CADM2: variants seen among roughly 807,000 people sequenced by gnomAD.
CADM2 encodes the protein immunoglobulin superfamily member 4D.
CADM2 carries 12 observed loss-of-function variants against 49.8 expected under a neutral mutation model. That is an observed-to-expected ratio of 0.24 (90% CI 0.15 to 0.39). The LOEUF is 0.39. CADM2 is among the 10% of genes least tolerant of loss of function. The pLI is 1.00. For synonymous variants in CADM2, 214 were observed against 175.4 expected (o/e 1.22, Z -1.74); for missense variants, 378 against 492.3 (o/e 0.77, Z 2.20).
chr3:85,606,252 AT>A, intron 1 of CADM2, among the ~76,000 whole-genome samples: 1 of 152,138 alleles, frequency 6.6e-6, no homozygotes, highest in African/African-American at 2.4e-5. Flanking sequence ...TTGAACTCTC[AT>A]TTTTTTGATT....
chr3:85,602,952 G>C (rs1553748718), intron 1 of CADM2, among the ~76,000 whole-genome samples: 1 of 151,576 alleles, frequency 6.6e-6, no homozygotes, highest in Admixed American at 6.6e-5. Flanking sequence ...TTGCTTTTTT[G>C]GTGGTTTTTC....
chr3:85,907,365 T>A (rs1372848787), intron 5 of CADM2, among the ~76,000 whole-genome samples: 4 of 152,188 alleles, frequency 2.6e-5, no homozygotes, highest in African/African-American at 4.8e-5. Flanking sequence ...TGGGACACAC[T>A]AAGACCATGC....
chr3:85,745,200 A>G lies in CADM2; in HGVS notation c.88+18652A>G, dbSNP rs144665192. On this transcript the variant is annotated intron_variant, in intron 2 of 9. Coordinates refer to ENST00000383699, the MANE Select transcript of CADM2 (RefSeq NM_001167675.2). ...CTTTTGATGTTATTACTGGATTGCC[A>G]TAAAATAATTGTTCATAATGAGGTT... Among the ~76,000 whole-genome samples the G allele has an allele frequency of 3.2e-3, 490 of 152,330 alleles. 1 individual carries two copies. The highest frequency in any genetic ancestry group is 0.011 in the African/African-American group (453 of 41,580).
chr3:85,607,910 C>A (rs1373781816), intron 1 of CADM2, among the ~76,000 whole-genome samples: 1 of 152,032 alleles, frequency 6.6e-6, no homozygotes, highest in Non-Finnish European at 1.5e-5. Flanking sequence ...TTGCCTTGAC[C>A]TCCCAAAGTG....
intron 1 of CADM2, among the ~76,000 whole-genome samples, chr3:85,101,564 A>C (rs1340639875): frequency 2.0e-5 from 3 of 152,140 alleles, no homozygotes; most frequent in Non-Finnish European, 4.4e-5. Context: ...TATCCTACTA[A>C]AATCATCAAA....
intron 2 of CADM2, among the ~76,000 whole-genome samples, chr3:85,744,109 G>A (rs1031331506): frequency 3.3e-5 from 5 of 152,096 alleles, no homozygotes; most frequent in African/African-American, 1.2e-4. Flanking sequence ...GAAAACACAA[G>A]GAAGGGATCT....
At chr3:85,205,313 C>A (rs2041606615) in intron 1 of CADM2, among the ~76,000 whole-genome samples, 1 of 152,140 alleles carries the variant, frequency 6.6e-6, no homozygotes. Context: ...TTGAGCCAAC[C>A]TACCAGGCTT....
At chr3:85,327,006 T>C (rs1303320735) in intron 1 of CADM2, among the ~76,000 whole-genome samples, 2 of 152,132 alleles carry the variant, frequency 1.3e-5, no homozygotes, top group African/African-American at 4.8e-5. Context: ...ACCATTTTGT[T>C]TGTAATTTAG....
chr3:85,141,089 T>C (rs1689292769), intron 1 of CADM2, among the ~76,000 whole-genome samples: 1 of 152,184 alleles, frequency 6.6e-6, no homozygotes, highest in African/African-American at 2.4e-5. Flanking sequence ...TGAGGCTTCA[T>C]ATTCTGCAAA....
intron 1 of CADM2, among the ~76,000 whole-genome samples, chr3:85,086,928 G>A (rs1478283627): frequency 1.3e-5 from 2 of 152,192 alleles, no homozygotes; most frequent in Non-Finnish European, 2.9e-5. Flanking sequence ...CTGTATTTGA[G>A]GACATTGTAA....
At chr3:85,253,544 C>T (rs2042820407) in intron 1 of CADM2, among the ~76,000 whole-genome samples, 1 of 152,050 alleles carries the variant, frequency 6.6e-6, no homozygotes, top group Non-Finnish European at 1.5e-5. Flanking sequence ...TCTGCTTTTG[C>T]ACAAGATGAT....
intron 1 of CADM2, among the ~76,000 whole-genome samples, chr3:85,327,037 C>T (rs2044773006): frequency 6.7e-6 from 1 of 149,892 alleles, no homozygotes; most frequent in Non-Finnish European, 1.5e-5. Context: ...CTTAATGTGT[C>T]TTTTTTTTTC....
intron 3 of CADM2, among the ~76,000 whole-genome samples, chr3:85,850,520 G>T (rs1417341556): frequency 2.0e-5 from 3 of 151,710 alleles, no homozygotes; most frequent in African/African-American, 7.3e-5. Context: ...AGTAGAGACG[G>T]GGTTTCACCA....
chr3:85,300,950 C>T (rs1337161865), intron 1 of CADM2, among the ~76,000 whole-genome samples: 1 of 151,922 alleles, frequency 6.6e-6, no homozygotes, highest in African/African-American at 2.4e-5. Flanking sequence ...ATGAGAGTTA[C>T]GTTACTGGCC....
intron 3 of CADM2, among the ~76,000 whole-genome samples, chr3:85,838,976 C>G (rs2108257385): frequency 6.6e-6 from 1 of 151,932 alleles, no homozygotes; most frequent in South Asian, 2.1e-4. Context: ...CTTAGCCTGA[C>G]CTACTGAATC....
chr3:85,833,769 C>A (rs571724976), intron 3 of CADM2, among the ~76,000 whole-genome samples: 19 of 151,708 alleles, frequency 1.3e-4, no homozygotes, highest in African/African-American at 4.6e-4. Context: ...TTGTTACAGA[C>A]AAAGCTATAT....
chr3:85,064,201 G>C (rs2036439775), intron 1 of CADM2, among the ~76,000 whole-genome samples: 1 of 152,050 alleles, frequency 6.6e-6, no homozygotes, highest in South Asian at 2.1e-4. Flanking sequence ...GAGATGGAGA[G>C]GACTAATATT....
intron 1 of CADM2, among the ~76,000 whole-genome samples, chr3:84,985,614 AATGATTAC>A (rs2107155258): frequency 6.6e-6 from 1 of 152,310 alleles, no homozygotes; most frequent in African/African-American, 2.4e-5. Context: ...TTTGATGCTA[AATGATTAC>A]ACATACCCCA....
At chr3:85,462,993 A>G (rs1468205649) in intron 1 of CADM2, among the ~76,000 whole-genome samples, 1 of 152,114 alleles carries the variant, frequency 6.6e-6, no homozygotes, top group Non-Finnish European at 1.5e-5. Context: ...TCGTTTCCTC[A>G]TCTGTGAAAG....
Sources: allele counts gnomAD v4.1 joint callset (sites outside exome capture counted in the v4.1 genomes callset), GRCh38; gene constraint gnomAD v4.1.1; transcripts MANE v1.5; gene names NCBI Gene and HGNC (gene_info 2026-07-23, HGNC 2026-07-21).